The following ZBTB7C variants were observed in gnomAD, a reference collection of about 807,000 sequenced individuals.
The protein encoded by ZBTB7C is zinc finger and BTB domain-containing protein 7C.
Under a neutral mutation model 25.7 loss-of-function variants are expected in ZBTB7C, and 8 were observed. That is an observed-to-expected ratio of 0.31 (90% CI 0.18 to 0.56). The LOEUF (loss-of-function observed/expected upper bound fraction) is 0.56. Among genes scored for constraint, ZBTB7C ranks in the 20% least tolerant of loss-of-function variants. The pLI, the probability that ZBTB7C is intolerant of heterozygous loss-of-function variation, is 0.91. For missense variants in ZBTB7C, 824 were observed against 855.2 expected, an observed-to-expected ratio of 0.96 and a Z score of 0.46; for synonymous variants, 394 against 369.0, an observed-to-expected ratio of 1.07 and a Z score of -0.78.
intron 2 of ZBTB7C, among the ~76,000 whole-genome samples, chr18:48,268,368 C>G (rs989303273): frequency 4.6e-5 from 7 of 152,186 alleles, no homozygotes; most frequent in Non-Finnish European, 1.0e-4. Context: ...CAGAACTGAG[C>G]TCAACTTTGA....
intron 3 of ZBTB7C, among the ~76,000 whole-genome samples, chr18:48,092,397 C>T (rs947968909): frequency 1.3e-5 from 2 of 152,218 alleles, no homozygotes; most frequent in Admixed American, 1.3e-4. Context: ...TTGTTCTTCA[C>T]AATTTAAATA....
chr18:48,030,039 T>C (rs2035678723), intron 4 of ZBTB7C, 128 bp from the exon 5 acceptor site: 4 of 1,238,702 alleles, frequency 3.2e-6, no homozygotes. Flanking sequence ...CAGAAATAGG[T>C]CTCATGCTAG....
intron 3 of ZBTB7C, among the ~76,000 whole-genome samples, chr18:48,090,477 G>A (rs1568210348): frequency 6.6e-6 from 1 of 152,232 alleles, no homozygotes; most frequent in Admixed American, 6.5e-5. Context: ...AGCAAGGCAG[G>A]AAGAACAAAC....
chr18:48,136,924 A>T, intron 3 of ZBTB7C: 1 of 918,152 alleles, frequency 1.1e-6, no homozygotes, highest in Non-Finnish European at 1.3e-6. Flanking sequence ...TTCCTCCCCC[A>T]CCCCCTCCCC....
At chr18:48,234,326 T>C (rs1427312948) in intron 2 of ZBTB7C, among the ~76,000 whole-genome samples, 2 of 152,188 alleles carry the variant, frequency 1.3e-5, no homozygotes, top group Non-Finnish European at 2.9e-5. Flanking sequence ...TTTTAATTTA[T>C]AATTTTAATA....
chr18:48,187,177 C>G (rs568292880), intron 2 of ZBTB7C, among the ~76,000 whole-genome samples: 1 of 152,312 alleles, frequency 6.6e-6, no homozygotes, highest in African/African-American at 2.4e-5. Context: ...CAGATCAGCT[C>G]TGATCATTTG....
At chr18:48,112,502 C>T (rs1459965834) in intron 3 of ZBTB7C, among the ~76,000 whole-genome samples, 1 of 152,024 alleles carries the variant, frequency 6.6e-6, no homozygotes, top group African/African-American at 2.4e-5. Flanking sequence ...CACGCGCTAC[C>T]ATGCCCAGCA....
chr18:48,250,584 G>A (rs1428201112), intron 2 of ZBTB7C, among the ~76,000 whole-genome samples: 1 of 152,002 alleles, frequency 6.6e-6, no homozygotes, highest in Admixed American at 6.6e-5. Context: ...AAAAAACCCA[G>A]TCCCAAACTT....
chr18:48,044,939 A>G (rs1747189973), intron 3 of ZBTB7C, among the ~76,000 whole-genome samples: 1 of 152,366 alleles, frequency 6.6e-6, no homozygotes, highest in East Asian at 1.9e-4. Context: ...TACACAGAGG[A>G]TGAGTGAGGG....
intron 2 of ZBTB7C, among the ~76,000 whole-genome samples, chr18:48,200,377 C>T (rs2042412553): frequency 6.6e-6 from 1 of 151,900 alleles, no homozygotes; most frequent in African/African-American, 2.4e-5. Context: ...GTAGTACAGG[C>T]CAGACCAGGG....
At chr18:48,162,848 G>T (rs944194900) in intron 3 of ZBTB7C, among the ~76,000 whole-genome samples, 2 of 152,192 alleles carry the variant, frequency 1.3e-5, no homozygotes, top group African/African-American at 4.8e-5. Flanking sequence ...GAGAGGACAG[G>T]CTCAGTTTCT....
At chr18:48,039,654 C>A (rs568910118) in intron 4 of ZBTB7C, among the ~76,000 whole-genome samples, 1 of 152,218 alleles carries the variant, frequency 6.6e-6, no homozygotes, top group Non-Finnish European at 1.5e-5. Context: ...CCAGAACAGC[C>A]CTGCTCTTAC....
intron 3 of ZBTB7C, among the ~76,000 whole-genome samples, chr18:48,119,419 G>A (rs888685574): frequency 3.3e-5 from 5 of 152,234 alleles, no homozygotes; most frequent in Non-Finnish European, 5.9e-5. Flanking sequence ...CCAGCCCCAT[G>A]CTCATGGAAG....
At chr18:48,363,106 G>T (rs1245754843) in intron 1 of ZBTB7C, among the ~76,000 whole-genome samples, 1 of 152,238 alleles carries the variant, frequency 6.6e-6, no homozygotes, top group Non-Finnish European at 1.5e-5. Context: ...GGGATCGAAT[G>T]AATTAATCCA....
At chr18:48,104,489 T>C (rs933947199) in intron 3 of ZBTB7C, among the ~76,000 whole-genome samples, 5 of 152,194 alleles carry the variant, frequency 3.3e-5, no homozygotes, top group Non-Finnish European at 5.9e-5. Context: ...AGGTATTCCT[T>C]TATAGCAATG....
intron 3 of ZBTB7C, among the ~76,000 whole-genome samples, chr18:48,083,581 T>C (rs985514542): frequency 6.6e-6 from 1 of 152,200 alleles, no homozygotes. Flanking sequence ...AAAGTTTGTG[T>C]CTGACCCCAC....
intron 1 of ZBTB7C, among the ~76,000 whole-genome samples, chr18:48,369,533 G>T (rs574558453): frequency 1.5e-4 from 23 of 152,042 alleles, no homozygotes; most frequent in Non-Finnish European, 2.6e-4. Context: ...ATATAGGCAG[G>T]TTACAAGTAA....
At chr18:48,406,227 G>A (rs1174100137) in intron 1 of ZBTB7C, among the ~76,000 whole-genome samples, 2 of 152,084 alleles carry the variant, frequency 1.3e-5, no homozygotes, top group Non-Finnish European at 2.9e-5. Context: ...CCCACCCTCG[G>A]TGGGGGCAGG....
intron 2 of ZBTB7C, among the ~76,000 whole-genome samples, chr18:48,300,354 G>A (rs1568362383): frequency 1.3e-5 from 2 of 152,160 alleles, no homozygotes; most frequent in African/African-American, 4.8e-5. Context: ...GGTCTCCCTT[G>A]TGAAACAGAG....
Sources: allele counts gnomAD v4.1 joint callset (sites outside exome capture counted in the v4.1 genomes callset), GRCh38; gene constraint gnomAD v4.1.1; transcripts MANE v1.5; gene names NCBI Gene and HGNC (gene_info 2026-07-23, HGNC 2026-07-21).